C2CD3: variants seen among roughly 807,000 people sequenced by gnomAD.
C2CD3 encodes C2 domain containing 3 centriole elongation regulator.
C2CD3 carries 148 observed loss-of-function variants against 234.0 expected under a neutral mutation model. That is an observed-to-expected ratio of 0.63 (90% CI 0.55 to 0.72). C2CD3 has a LOEUF of 0.72. C2CD3 is among the 30% of genes least tolerant of loss of function. C2CD3 has a pLI of 0.00. For missense variants in C2CD3, 2,577 were observed against 2,811.5 expected (o/e 0.92, Z 1.89); for synonymous variants, 1,000 against 1,035.4 (o/e 0.97, Z 0.66).
At chr11:74,160,277 T>C (rs1286693353) in intron 3 of C2CD3, among the ~76,000 whole-genome samples, 1 of 152,134 alleles carries the variant, frequency 6.6e-6, no homozygotes, top group African/African-American at 2.4e-5. Flanking sequence ...AGTATGTCAA[T>C]GAGATACCTA....
intron 3 of C2CD3, among the ~76,000 whole-genome samples, chr11:74,156,459 C>CA (rs530606913): frequency 0.096 from 3,662 of 38,074 alleles, 267 homozygotes; most frequent in African/African-American, 0.2. Context: ...GACCCTATCT[C>CA]AAAAAAAAAA....
In C2CD3 at chr11:74,123,034, G is replaced by C; in HGVS notation, c.1319C>G (p.Pro440Arg). The change falls in exon 8 of 33, where the codon CCT (proline) becomes CGT (arginine). Residue 440 changes from proline to arginine, a missense_variant. Coordinates refer to ENST00000334126, the MANE Select transcript of C2CD3 (RefSeq NM_001286577.2). ...CTCCAGAAGACTCTGGTCATACTGAGGGTCATTCAGCTCACTGATGCAATA... is the reference window on the plus strand; with the variant it reads ...CTCCAGAAGACTCTGGTCATACTGACGGTCATTCAGCTCACTGATGCAATA... ...DVYCISELND[P>R]QYDQSLLENL... 1 of 1,613,282 alleles carries C rather than the reference G, an allele frequency of 6.2e-7. No individual in the cohort carries two copies.
intron 32 of C2CD3, among the ~76,000 whole-genome samples, chr11:74,023,129 G>C (rs1278581489): frequency 6.6e-6 from 1 of 152,250 alleles, no homozygotes; most frequent in East Asian, 1.9e-4. Flanking sequence ...GTGGAGACTG[G>C]GAGGTTCCTT....
intron 5 of C2CD3, among the ~76,000 whole-genome samples, chr11:74,137,983 T>C (rs973952142): frequency 5.3e-5 from 8 of 152,232 alleles, no homozygotes; most frequent in African/African-American, 1.9e-4. Flanking sequence ...AGAATGTAAA[T>C]TATGTACCCA....
chr11:74,033,208 TGTCATGCAGGTGG>T, intron 31 of C2CD3, 130 bp downstream of exon 31: 2 of 654,130 alleles, frequency 3.1e-6, no homozygotes, highest in Admixed American at 5.8e-5. Flanking sequence ...CTGTAGCACC[TGTCATGCAGGTGG>T]GGTCTTCTGA....
Position 74,033,865 on chromosome 11 carries a change from T to C in C2CD3, c.6295A>G (p.Ser2099Gly). 6.5e-7 allele frequency: 1 copy of C among 1,536,244 alleles called. No homozygotes were observed. Among genetic ancestry groups the C allele is most frequent in the Non-Finnish European group, 8.7e-7 (1 of 1,146,922 alleles). Reference sequence around the variant, plus strand: ...CTCTGCACCTCGTCAGGCTGAGGGCTGATGACCTCACTTGTGTCTGATATG... The same window carrying C: ...CTCTGCACCTCGTCAGGCTGAGGGCCGATGACCTCACTTGTGTCTGATATG... ...SVISDTSEVISPQPDEVQREG... is the reference protein window; with the variant it reads ...SVISDTSEVIGPQPDEVQREG... The change falls in exon 31 of 33, where the codon AGC becomes GGC. Residue 2099 changes from serine (S) to glycine (G), a missense_variant. Coordinates refer to ENST00000334126, the MANE Select transcript of C2CD3 (RefSeq NM_001286577.2).
At chr11:74,166,421 T>C (rs943055042) in intron 2 of C2CD3, among the ~76,000 whole-genome samples, 6 of 152,184 alleles carry the variant, frequency 3.9e-5, no homozygotes, top group Non-Finnish European at 7.3e-5. Flanking sequence ...CATGGCCTTC[T>C]TTCTTAACTA....
chr11:74,095,400 G>A lies in C2CD3; in HGVS notation c.2988C>T (p.Asp996=), dbSNP rs374645415. The change falls in exon 17 of 33, where the codon GAC becomes GAT. Residue 996 remains aspartate, a synonymous_variant. Coordinates refer to ENST00000334126, the MANE Select transcript of C2CD3 (RefSeq NM_001286577.2). ...AGTGCTCCATCAGTCCATTTCCTCG[G>A]TCCTCTGCCTATTAAATGAAACAGA... ...PTAASVAMAE[D]RGNGLMEHCF... The A allele has an allele frequency of 1.6e-5, 25 of 1,609,584 alleles. No individual in the cohort carries two copies. Among genetic ancestry groups the A allele is most frequent in the Non-Finnish European group, 2.0e-5 (23 of 1,177,946 alleles).
At chr11:74,045,459 T>C (rs529198100) in intron 28 of C2CD3, among the ~76,000 whole-genome samples, 1 of 152,346 alleles carries the variant, frequency 6.6e-6, no homozygotes, top group African/African-American at 2.4e-5. Context: ...GGGATTGTGT[T>C]GAATCTGTAG....
chr11:74,026,919 C>A (rs903733821), intron 32 of C2CD3, among the ~76,000 whole-genome samples: 2 of 137,548 alleles, frequency 1.5e-5, no homozygotes, highest in African/African-American at 2.8e-5. Flanking sequence ...TGCAGTGAGC[C>A]GAGATCACAC....
rs549919515 is a variant in C2CD3, at chr11:74,114,650, A to G, written c.1521-57T>C. The G allele has an allele frequency of 3.5e-6, 4 of 1,148,854 alleles. No homozygotes were observed. In the South Asian group the frequency reaches 4.9e-5, roughly 14 times the overall value. 71.2% of individuals were successfully genotyped at this position (1,148,854 alleles called of 1,614,324 possible). On this transcript the variant is annotated intron_variant, in intron 9 of 32. Coordinates refer to ENST00000334126, the MANE Select transcript of C2CD3 (RefSeq NM_001286577.2). Reference sequence around the variant, plus strand: ...ACTGCTACAGGCTTCACATGAAACAATCTAGTTTGCACAGGCAAGATGAGG... The same window carrying G: ...ACTGCTACAGGCTTCACATGAAACAGTCTAGTTTGCACAGGCAAGATGAGG...
intron 32 of C2CD3, among the ~76,000 whole-genome samples, chr11:74,017,587 G>A (rs1232208106): frequency 6.6e-6 from 1 of 152,216 alleles, no homozygotes; most frequent in African/African-American, 2.4e-5. Context: ...CCTGCATAAG[G>A]AGCTGGTTCT....
Position 74,139,608 on chromosome 11 carries a change from G to A in C2CD3, c.704C>T (p.Pro235Leu), listed in dbSNP as rs149910292. ...TGGTATTAGGTATGGTAATTACCTC[G>A]GAGTGGTTGATCTACTGCTGTTGGC... ...LAANSSRSTT[P>L]RGKDHVCFAE... Residue 235 changes from proline to leucine, a missense_variant, in exon 4 of 33, where the codon CCG (proline) becomes CTG (leucine). Transcript: ENST00000334126. 5.6e-3 allele frequency: 8,923 copies of A among 1,604,348 alleles called. 29 individuals are homozygous for A. The highest frequency in any genetic ancestry group is 7.1e-3 in the Non-Finnish European group (8,318 of 1,171,242).
intron 28 of C2CD3, among the ~76,000 whole-genome samples, chr11:74,044,940 A>AT (rs1331507345): frequency 2.0e-5 from 3 of 149,848 alleles, no homozygotes; most frequent in Non-Finnish European, 3.0e-5. Flanking sequence ...GATGAATCTA[A>AT]TTTTTTTCTT....
In C2CD3 at chr11:74,092,353, C is replaced by T. The variant is rs1790400; in HGVS notation, c.3517+63G>A. ...TAGAGGTGTGAACCACCGCACCCGG[C>T]TATTTTATATATTTTTATGTATACT... On this transcript the variant is annotated intron_variant, in intron 19 of 32. Coordinates refer to ENST00000334126, the MANE Select transcript of C2CD3 (RefSeq NM_001286577.2). 0.29 allele frequency: 430,665 copies of T among 1,469,656 alleles called. 66,415 individuals carry two copies. The highest frequency in any genetic ancestry group is 0.48 in the African/African-American group (34,057 of 71,070). 91.0% of individuals were successfully genotyped at this position (1,469,656 alleles called of 1,614,324 possible).
chr11:74,085,931 T>A (rs772613884), intron 20 of C2CD3, 45 bp from the exon 21 acceptor site: 1 of 1,541,364 alleles, frequency 6.5e-7, no homozygotes, highest in Admixed American at 2.0e-5. Context: ...ATGGTAACAT[T>A]AGAAATCAGC....
intron 9 of C2CD3, among the ~76,000 whole-genome samples, chr11:74,116,465 TA>T (rs888278085): frequency 2.6e-4 from 37 of 142,872 alleles, no homozygotes; most frequent in Admixed American, 3.5e-4. Flanking sequence ...AATAAAAAAT[TA>T]AAAAAAAAAA....
chr11:74,067,217 G>A (rs1954583152), intron 24 of C2CD3, among the ~76,000 whole-genome samples: 1 of 152,110 alleles, frequency 6.6e-6, no homozygotes. Context: ...AAAAGAGAAT[G>A]GAGATTTTGT....
intron 9 of C2CD3, among the ~76,000 whole-genome samples, chr11:74,116,423 C>A (rs1334512666): frequency 3.3e-5 from 5 of 150,894 alleles, no homozygotes; most frequent in Non-Finnish European, 5.9e-5. Flanking sequence ...AACCACAATG[C>A]GATACCACTT....
Sources: allele counts gnomAD v4.1 joint callset (sites outside exome capture counted in the v4.1 genomes callset), GRCh38; gene constraint gnomAD v4.1.1; transcripts MANE v1.5; gene names NCBI Gene and HGNC (gene_info 2026-07-23, HGNC 2026-07-21).